The following B4GALNT3 variants were observed in gnomAD, a reference collection of about 807,000 sequenced individuals.
B4GALNT3 encodes the protein beta-1,4-N-acetylgalactosaminyltransferase 3.
Under a neutral mutation model 120.2 loss-of-function variants are expected in B4GALNT3, and 86 were observed. The ratio of observed to expected loss-of-function variants is 0.72; its 90% CI spans 0.60 to 0.86. The LOEUF (loss-of-function observed/expected upper bound fraction) is 0.86. B4GALNT3 is among the 40% of genes least tolerant of loss of function. The pLI is 0.00. For synonymous variants in B4GALNT3, 518 were observed against 510.4 expected (o/e 1.01, Z -0.20); for missense variants, 1,167 against 1,298.9 (o/e 0.90, Z 1.56).
rs546077124 is a variant in B4GALNT3 at position 462,514 on chromosome 12, T to C, written c.169+1969T>C. The stretch of plus-strand genomic sequence containing the variant: ...GTTGGGTTCCCCTCCCAGAAGAATC[T>C]TAACTCTCTGACTGGGTTTCCTTAT... On this transcript the variant is annotated intron_variant, in intron 1 of 19. Coordinates refer to ENST00000266383, the MANE Select transcript of B4GALNT3 (RefSeq NM_173593.4). 4.0e-5 allele frequency among the ~76,000 whole-genome samples: 6 copies of C among 151,722 alleles called. No homozygotes were observed. The South Asian group carries it at 1.3e-3, about 32-fold the overall frequency.
At chr12:545,261 A>G (rs57782477) in intron 5 of B4GALNT3, 108 bp from the exon 6 acceptor site, 59,899 of 1,486,010 alleles carry the variant, frequency 0.04, 1,820 homozygotes, top group African/African-American at 0.15. Context: ...GGGAAGCCAC[A>G]GCATCAAGCA....
Position 459,965 on chromosome 12 carries a change from G to T in B4GALNT3, c.-412G>T, listed in dbSNP as rs530347443. Among the ~76,000 whole-genome samples the T allele has an allele frequency of 4.6e-5, 7 of 151,302 alleles. No homozygotes were observed. The East Asian group carries it at 5.9e-4, about 13-fold the overall frequency. On this transcript the variant is annotated 5_prime_UTR_variant, in exon 1 of 20. Transcript: ENST00000266383. ...GGTTCCGCGAGCAGGAGAGCCCAGA[G>T]CCCGGAGCCCGGTCCGGGGCTGGCG...
In B4GALNT3 at chr12:460,503, C is replaced by A. The variant is rs777775023; in HGVS notation, c.127C>A (p.Leu43Met). 3.8e-6 allele frequency: 6 copies of A among 1,583,574 alleles called. No individual in the cohort carries two copies. Among genetic ancestry groups the A allele is most frequent in the Non-Finnish European group, 4.3e-6 (5 of 1,165,450 alleles). Residue 43 changes from leucine (L) to methionine (M), a missense_variant, in exon 1 of 20, where the codon CTG (leucine) becomes ATG (methionine). Around this residue, in one of 3 missense-constraint regions of B4GALNT3, gnomAD observed 171 missense variants for 161.3 expected, o/e 1.06. Coordinates refer to ENST00000266383, the MANE Select transcript of B4GALNT3 (RefSeq NM_173593.4). This position sits in a 1 kb window ranked among gnomAD's most constrained non-coding sequence, Gnocchi z 8.0. ...SVGLWTLYLE[L>M]VASAQVGGNP... Reference sequence around the variant, plus strand: ...GGGGCTCTGGACTCTGTATCTGGAACTGGTGGCGTCGGCCCAGGTCGGCGG... The same window carrying A: ...GGGGCTCTGGACTCTGTATCTGGAAATGGTGGCGTCGGCCCAGGTCGGCGG...
intron 1 of B4GALNT3, among the ~76,000 whole-genome samples, chr12:483,681 T>C (rs1403455933): frequency 6.6e-6 from 1 of 151,904 alleles, no homozygotes; most frequent in Non-Finnish European, 1.5e-5. Context: ...CTGGGCAACA[T>C]AGTGAGACCC....
At position 546,647 on chromosome 12, in the gene B4GALNT3, C is replaced by G. The variant is rs1947011656; in HGVS notation, c.641C>G (p.Thr214Ser). ...CTCTTCTCTCTTCCACACCTCTAGACTGGAAAGGAGTGGACCGCCCCGGGA... is the reference window on the plus strand; with the variant it reads ...CTCTTCTCTCTTCCACACCTCTAGAGTGGAAAGGAGTGGACCGCCCCGGGA... The part of the protein sequence containing the change: ...GLQLLASVGK[T>S]GKEWTAPGEF... Residue 214 changes from threonine to serine, a missense_variant and splice_region_variant, in exon 7 of 20, where the codon ACT becomes AGT. Physicochemically the swap from Thr to Ser is moderately conservative, Grantham distance 58. Coordinates refer to ENST00000266383, the MANE Select transcript of B4GALNT3 (RefSeq NM_173593.4). 1.3e-6 allele frequency: 2 copies of G among 1,551,276 alleles called. No individual in the cohort carries two copies. The highest frequency in any genetic ancestry group is 8.7e-7 in the Non-Finnish European group (1 of 1,146,706).
chr12:559,689 G>A (rs1199133030), intron 19 of B4GALNT3, among the ~76,000 whole-genome samples: 1 of 152,090 alleles, frequency 6.6e-6, no homozygotes, highest in Non-Finnish European at 1.5e-5. Flanking sequence ...GGTACACCAA[G>A]CTGTGTAGAC....
intron 6 of B4GALNT3, among the ~76,000 whole-genome samples, chr12:545,968 T>G (rs1426754049): frequency 3.1e-4 from 4 of 12,954 alleles, no homozygotes; most frequent in Admixed American, 1.1e-3. Context: ...AGTGGGGAGG[T>G]GAGAGGAGTG....
chr12:485,467 G>C (rs923414672), intron 1 of B4GALNT3, among the ~76,000 whole-genome samples: 8 of 152,192 alleles, frequency 5.3e-5, no homozygotes, highest in African/African-American at 1.9e-4. Flanking sequence ...GGACCCCCAT[G>C]GTGGGGTGGT....
rs1301517008 is a variant in B4GALNT3 at position 460,178 on chromosome 12, C to T, written c.-199C>T. Among the ~76,000 whole-genome samples, 5 of 150,744 alleles carry T rather than the reference C, an allele frequency of 3.3e-5. No homozygotes were observed. The East Asian group carries it at 9.7e-4, about 29-fold the overall frequency. ...TCGGCTCCCGGAGAGACCTGCTGGG[C>T]GCCCGCGCAGCCCGGAGACCCCTCG... On this transcript the variant is annotated 5_prime_UTR_variant, in exon 1 of 20. Transcript: ENST00000266383. The surrounding 1 kb of genome is among the most constrained non-coding windows in gnomAD (Gnocchi z 8.0).
rs2120691950 is a variant in B4GALNT3 at position 544,423 on chromosome 12, C to T, written c.436C>T (p.Leu146=). Residue 146 remains leucine (L), a synonymous_variant, in exon 4 of 20, where the codon CTG becomes TTG. Transcript: ENST00000266383. ...GCTCAGGAGGAACCTGCATTTCCCA[C>T]TGTACCCCCATGTGAGTGCCTGAGG... is the stretch of plus-strand genomic sequence containing the variant. ...QQLRRNLHFP[L]YPHIRTTLRK... The T allele has an allele frequency of 6.2e-7, 1 of 1,613,776 alleles. No homozygotes were observed. The highest frequency in any genetic ancestry group is 2.2e-5 in the East Asian group (1 of 44,886).
At chr12:541,492 C>G (rs1299388110) in intron 3 of B4GALNT3, among the ~76,000 whole-genome samples, 3 of 152,148 alleles carry the variant, frequency 2.0e-5, no homozygotes, top group South Asian at 2.1e-4. Context: ...AGTCCCACGT[C>G]CCTGCCAGAT....
intron 1 of B4GALNT3, among the ~76,000 whole-genome samples, chr12:521,901 A>G (rs1329170509): frequency 2.0e-5 from 3 of 151,764 alleles, no homozygotes; most frequent in African/African-American, 7.3e-5. Flanking sequence ...GCTGATTTCC[A>G]CACAGGCTAG....
At chr12:541,127 G>A (rs757450909) in intron 3 of B4GALNT3, among the ~76,000 whole-genome samples, 1 of 152,350 alleles carries the variant, frequency 6.6e-6, no homozygotes, top group East Asian at 1.9e-4. Context: ...GACTCCGTGT[G>A]GGGGAGAAGC....
At position 557,789 on chromosome 12, in the gene B4GALNT3, G is replaced by C. The variant is rs373751317; in HGVS notation, c.2534+28G>C. ...GAGGGGGACCACCAGCCAGGGGGTG[G>C]CATGGGCCACGTCCATCCTAAAGTC... On this transcript the variant is annotated intron_variant, in intron 16 of 19. Coordinates refer to ENST00000266383, the MANE Select transcript of B4GALNT3 (RefSeq NM_173593.4). 4 of 1,587,432 alleles carry C rather than the reference G, an allele frequency of 2.5e-6. No homozygotes were observed. The African/African-American group carries it at 5.4e-5, about 22-fold the overall frequency.
intron 1 of B4GALNT3, among the ~76,000 whole-genome samples, chr12:503,746 C>G (rs981823810): frequency 2.3e-5 from 3 of 129,680 alleles, no homozygotes; most frequent in African/African-American, 7.5e-5. Flanking sequence ...CCCCAATCCA[C>G]TGATCTCTGA....
At position 550,814 on chromosome 12, in the gene B4GALNT3, C is replaced by A; in HGVS notation, c.998-108C>A. The A allele has an allele frequency of 1.1e-6, 1 of 906,344 alleles. No individual in the cohort carries two copies. Among genetic ancestry groups the A allele is most frequent in the South Asian group, 1.6e-5 (1 of 60,678 alleles). 56.1% of individuals were successfully genotyped at this position (906,344 alleles called of 1,614,324 possible). A position where few individuals can be genotyped will look rare whatever the true frequency, so the allele number is the denominator to read the frequency against. ...GCCTCAGCCACAGACGTCGGCAGAA[C>A]ACAGCTGCCGCTTGCGAATACAGAA... On this transcript the variant is annotated intron_variant, in intron 10 of 19. Coordinates refer to ENST00000266383, the MANE Select transcript of B4GALNT3 (RefSeq NM_173593.4). This position sits in a 1 kb window ranked among gnomAD's most constrained non-coding sequence, Gnocchi z 4.1.
intron 1 of B4GALNT3, among the ~76,000 whole-genome samples, chr12:472,976 CT>C (rs71439341): frequency 6.8e-5 from 10 of 146,736 alleles, no homozygotes; most frequent in Middle Eastern, 3.6e-3. Flanking sequence ...TGTTCAAACA[CT>C]TTTTTTTTTT....
In B4GALNT3 at chr12:553,179, T is replaced by G; in HGVS notation, c.1271-15T>G. ...GGAAACTCTTGACATGAGGAATGGTTGTTATTAATAGCAGGTTTTGAGGAA... is the reference window on the plus strand; with the variant it reads ...GGAAACTCTTGACATGAGGAATGGTGGTTATTAATAGCAGGTTTTGAGGAA... On this transcript the variant is annotated splice_polypyrimidine_tract_variant and intron_variant, in intron 13 of 19. Transcript: ENST00000266383. The G allele has an allele frequency of 6.2e-7, 1 of 1,607,076 alleles. No homozygotes were observed. The highest frequency in any genetic ancestry group is 8.5e-7 in the Non-Finnish European group (1 of 1,175,116).
intron 1 of B4GALNT3, among the ~76,000 whole-genome samples, chr12:514,263 T>A (rs377131736): frequency 2.0e-5 from 3 of 148,402 alleles, no homozygotes; most frequent in East Asian, 4.0e-4. Flanking sequence ...AGTGGCGCGA[T>A]CTTGGCTCAC....
Sources: allele counts gnomAD v4.1 joint callset (sites outside exome capture counted in the v4.1 genomes callset), GRCh38; gene constraint gnomAD v4.1.1; regional missense constraint gnomAD v4.1.1; non-coding constraint Gnocchi (gnomAD v3.1); transcripts MANE v1.5; gene names NCBI Gene and HGNC (gene_info 2026-07-23, HGNC 2026-07-21).